The following GLIS3 variants were observed in gnomAD, a reference collection of about 807,000 sequenced individuals.
GLIS3 encodes the protein zinc finger protein GLIS3.
Under a neutral mutation model 78.6 loss-of-function variants are expected in GLIS3, and 53 were observed. The ratio of observed to expected loss-of-function variants is 0.67; its 90% CI spans 0.54 to 0.85. GLIS3 has a LOEUF of 0.85. Among genes scored for constraint, GLIS3 ranks in the 40% least tolerant of loss-of-function variants. The probability of loss-of-function intolerance (pLI) is 0.00; values close to 1 mark genes in which losing one functional copy is unlikely to be tolerated. For synonymous variants in GLIS3, 684 were observed against 509.9 expected (o/e 1.34, Z -4.60); for missense variants, 1,703 against 1,231.1 (o/e 1.38, Z -5.74).
At chr9:4,221,177 G>A (rs1450821510) in intron 2 of GLIS3, among the ~76,000 whole-genome samples, 1 of 152,106 alleles carries the variant, frequency 6.6e-6, no homozygotes, top group Non-Finnish European at 1.5e-5. Flanking sequence ...ATACATACAT[G>A]CATAGGTAAA....
chr9:3,862,758 G>GC (rs947740525), intron 8 of GLIS3, among the ~76,000 whole-genome samples: 38 of 151,982 alleles, frequency 2.5e-4, no homozygotes, highest in Non-Finnish European at 4.1e-4. Flanking sequence ...CTTTCCCTCC[G>GC]CCCCCCGTCT....
intron 6 of GLIS3, among the ~76,000 whole-genome samples, chr9:3,905,042 G>C (rs1397529905): frequency 2.0e-5 from 3 of 150,472 alleles, no homozygotes; most frequent in African/African-American, 7.4e-5. Context: ...GCGCGATCTC[G>C]GCTCACTGCA....
At chr9:4,351,744 G>C (rs999787142), upstream of GLIS3, among the ~76,000 whole-genome samples, 1 of 152,256 alleles carries the variant, frequency 6.6e-6, no homozygotes, top group South Asian at 2.1e-4. Flanking sequence ...GTCACTTACT[G>C]ATGGGCCTTA....
At chr9:3,883,974 C>G (rs917181258) in intron 7 of GLIS3, among the ~76,000 whole-genome samples, 1 of 152,228 alleles carries the variant, frequency 6.6e-6, no homozygotes, top group Admixed American at 6.5e-5. Context: ...GCCTGGCTCA[C>G]TGCAGTCTCT....
At chr9:4,374,969 C>A in the GLIS3 span, among the ~76,000 whole-genome samples, 101 of 151,096 alleles carry the variant, frequency 6.7e-4, no homozygotes, top group African/African-American at 2.3e-3. Context: ...CAATTTGCAA[C>A]AGTTTGCCGC....
chr9:4,408,149 C>G, the GLIS3 span, among the ~76,000 whole-genome samples: 19 of 152,200 alleles, frequency 1.2e-4, no homozygotes, highest in Admixed American at 5.9e-4. Context: ...AAAGGGAACC[C>G]TCGTACGCTG....
chr9:4,153,071 T>C (rs1350084354), intron 2 of GLIS3, among the ~76,000 whole-genome samples: 1 of 152,156 alleles, frequency 6.6e-6, no homozygotes, highest in East Asian at 1.9e-4. Context: ...ACCCACTAGA[T>C]GCCAGTAGCA....
intron 2 of GLIS3, among the ~76,000 whole-genome samples, chr9:4,144,282 G>C (rs1834038936): frequency 6.6e-6 from 1 of 152,140 alleles, no homozygotes; most frequent in African/African-American, 2.4e-5. Context: ...CTTGTTTTTT[G>C]ACACGTAGCC....
intron 2 of GLIS3, among the ~76,000 whole-genome samples, chr9:4,268,455 G>C (rs1424398032): frequency 6.6e-6 from 1 of 152,090 alleles, no homozygotes; most frequent in Non-Finnish European, 1.5e-5. Flanking sequence ...TTATTACTCT[G>C]GGAATGTTCT....
At chr9:3,965,260 C>A (rs1317941336) in intron 4 of GLIS3, among the ~76,000 whole-genome samples, 2 of 129,386 alleles carry the variant, frequency 1.5e-5, no homozygotes, top group Non-Finnish European at 3.1e-5. Flanking sequence ...GTGGCGTGAT[C>A]TCGGCTCACT....
At chr9:4,408,301 G>A in the GLIS3 span, among the ~76,000 whole-genome samples, 1 of 152,046 alleles carries the variant, frequency 6.6e-6, no homozygotes, top group African/African-American at 2.4e-5. Context: ...ATATCGAGGA[G>A]CTATCTGCAC....
chr9:4,238,818 C>G (rs1227607640), intron 2 of GLIS3, among the ~76,000 whole-genome samples: 1 of 152,030 alleles, frequency 6.6e-6, no homozygotes, highest in Admixed American at 6.5e-5. Context: ...TCAAGCTTTC[C>G]CTGGGGTTAA....
chr9:4,402,185 A>G, the GLIS3 span, among the ~76,000 whole-genome samples: 1 of 152,202 alleles, frequency 6.6e-6, no homozygotes, highest in East Asian at 1.9e-4. Flanking sequence ...TCCCAATTCC[A>G]GACAATTTTA....
chr9:4,067,812 A>AAT (rs921188553), intron 4 of GLIS3, among the ~76,000 whole-genome samples: 7 of 151,832 alleles, frequency 4.6e-5, no homozygotes, highest in African/African-American at 1.7e-4. Flanking sequence ...GCAAAAAAAA[A>AAT]ATATATGGTT....
At chr9:4,153,645 C>T (rs1275164550) in intron 2 of GLIS3, among the ~76,000 whole-genome samples, 1 of 152,058 alleles carries the variant, frequency 6.6e-6, no homozygotes, top group Non-Finnish European at 1.5e-5. Context: ...AAAATCATGA[C>T]CTCAAATATA....
At chr9:4,483,960 G>A in the GLIS3 span, among the ~76,000 whole-genome samples, 4 of 152,176 alleles carry the variant, frequency 2.6e-5, no homozygotes, top group African/African-American at 9.7e-5. Context: ...GATACTGAGA[G>A]GACCAAGTGA....
intron 2 of GLIS3, among the ~76,000 whole-genome samples, chr9:4,228,970 G>C (rs183921667): frequency 6.6e-6 from 1 of 152,082 alleles, no homozygotes; most frequent in African/African-American, 2.4e-5. Context: ...ATGCTTTGTT[G>C]AGTACAGCAA....
Position 4,118,513 on chromosome 9 carries a change from G to T in GLIS3, c.965C>A (p.Thr322Lys). 2.5e-6 allele frequency: 4 copies of T among 1,614,256 alleles called. No homozygotes were observed. Among genetic ancestry groups the T allele is most frequent in the Non-Finnish European group, 3.4e-6 (4 of 1,180,038 alleles). ...GTAGGCCACCAAGGACGTGGGCGAC[G>T]TGCGGATGATGGTATTGAAATCTAT... Reference protein sequence around the residue: ...IGIDFNTIIRTSPTSLVAYIN... With the variant: ...IGIDFNTIIRKSPTSLVAYIN... Residue 322 changes from threonine (T) to lysine (K), a missense_variant, in exon 4 of 11, where the codon ACG (threonine) becomes AAG (lysine). Coordinates refer to ENST00000381971, the MANE Select transcript of GLIS3 (RefSeq NM_001042413.2). This position sits in a 1 kb window ranked among gnomAD's most constrained non-coding sequence, Gnocchi z 4.7.
At chr9:4,490,346 G>C in the GLIS3 span, 1 of 181,742 alleles carries the variant, frequency 5.5e-6, no homozygotes. Context: ...TAGGGACCCC[G>C]GGCGTCCCAC....
Sources: gnomAD v4.1 joint callset for allele counts (sites outside exome capture counted in the v4.1 genomes callset) on GRCh38, gnomAD v4.1.1 for gene constraint, Gnocchi (gnomAD v3.1) non-coding constraint, MANE v1.5 for transcripts, NCBI Gene and HGNC (gene_info 2026-07-23, HGNC 2026-07-21) for gene names.